The following HRH2 variants were observed in gnomAD, a reference collection of about 807,000 sequenced individuals.
The protein encoded by HRH2 is histamine receptor H2, also known as histamine H2 receptor.
HRH2 carries 4 observed loss-of-function variants against 20.1 expected under a neutral mutation model. The ratio of observed to expected loss-of-function variants is 0.20; its 90% CI spans 0.10 to 0.45. HRH2 has a LOEUF of 0.45. Among genes scored for constraint, HRH2 ranks in the 20% least tolerant of loss-of-function variants. The pLI is 0.99. For missense variants in HRH2, 250 were observed against 461.6 expected, an observed-to-expected ratio of 0.54 and a Z score of 4.20; for synonymous variants, 197 against 200.7, an observed-to-expected ratio of 0.98 and a Z score of 0.16.
At position 175,683,091 on chromosome 5, in the gene HRH2, C is replaced by CAAAAAAAAAAA. The variant is rs35616765; in HGVS notation, c.-132_-122dup. On this transcript the variant is annotated 5_prime_UTR_variant, in exon 2 of 3. Transcript: ENST00000636584. The stretch of plus-strand genomic sequence containing the variant: ...ATTGAAGCCTTCCCCACCCCCTGGC[C>CAAAAAAAAAAA]AAAAAAAAAAAAAAAAAAAAACTGG... The CAAAAAAAAAAA allele has an allele frequency of 1.0e-5, 6 of 583,870 alleles. No individual in the cohort carries two copies. Among genetic ancestry groups the CAAAAAAAAAAA allele is most frequent in the African/African-American group, 6.4e-5 (2 of 31,022 alleles). The allele number at this position is 583,870 out of a possible 1,614,324, so 36.2% of individuals were successfully genotyped here. A position where few individuals can be genotyped will look rare whatever the true frequency, so the allele number is the denominator to read the frequency against.
intron 2 of HRH2, among the ~76,000 whole-genome samples, chr5:175,702,725 CTT>C (rs1166650598): frequency 7.3e-5 from 9 of 123,642 alleles, no homozygotes; most frequent in Non-Finnish European, 1.2e-4. Context: ...CTAATTTTTT[CTT>C]TTTTTTTTTT....
At chr5:175,694,909 T>G (rs1200532027) in intron 2 of HRH2, among the ~76,000 whole-genome samples, 2 of 152,112 alleles carry the variant, frequency 1.3e-5, no homozygotes, top group African/African-American at 4.8e-5. Flanking sequence ...TGGTGCCACC[T>G]CCGCCCTGGG....
intron 1 of HRH2, among the ~76,000 whole-genome samples, chr5:175,682,282 C>G (rs952978795): frequency 5.3e-5 from 8 of 152,234 alleles, no homozygotes; most frequent in African/African-American, 1.9e-4. Flanking sequence ...CTCAGCACTT[C>G]AGAGGAGTAG....
chr5:175,680,046 T>C (rs965320503), intron 1 of HRH2, among the ~76,000 whole-genome samples: 3 of 152,250 alleles, frequency 2.0e-5, no homozygotes, highest in African/African-American at 4.8e-5. Context: ...TTTTGTTTAC[T>C]ATGCATGGTA....
intron 2 of HRH2, among the ~76,000 whole-genome samples, chr5:175,696,010 C>T (rs1036184479): frequency 7.9e-5 from 12 of 152,242 alleles, no homozygotes; most frequent in African/African-American, 2.7e-4. Flanking sequence ...TGCTAAATGC[C>T]CAGGGGCAAA....
At chr5:175,664,468 G>A (rs1472031458) in intron 1 of HRH2, among the ~76,000 whole-genome samples, 2 of 152,154 alleles carry the variant, frequency 1.3e-5, no homozygotes, top group African/African-American at 2.4e-5. Context: ...TAGAAAGGGC[G>A]TGCACAAGGA....
At chr5:175,663,757 GC>G (rs986449474) in intron 1 of HRH2, among the ~76,000 whole-genome samples, 1 of 152,144 alleles carries the variant, frequency 6.6e-6, no homozygotes, top group Non-Finnish European at 1.5e-5. Context: ...CACTTCTCCA[GC>G]CCCCCTCTAG....
chr5:175,678,969 G>T (rs1462131285), intron 1 of HRH2, among the ~76,000 whole-genome samples: 1 of 152,146 alleles, frequency 6.6e-6, no homozygotes, highest in African/African-American at 2.4e-5. Context: ...AGATGGTCTC[G>T]CCCCTCTGGT....
At chr5:175,669,253 C>T (rs534394701) in intron 1 of HRH2, among the ~76,000 whole-genome samples, 1 of 152,244 alleles carries the variant, frequency 6.6e-6, no homozygotes, top group East Asian at 1.9e-4. Flanking sequence ...CAGCATTTTG[C>T]CAATCGTCTT....
At chr5:175,689,271 C>T (rs1223502695) in intron 2 of HRH2, among the ~76,000 whole-genome samples, 1 of 152,036 alleles carries the variant, frequency 6.6e-6, no homozygotes, top group Non-Finnish European at 1.5e-5. Context: ...TGGCCCCCCT[C>T]AGCCCACATG....
chr5:175,692,498 G>A (rs1256658629), intron 2 of HRH2, among the ~76,000 whole-genome samples: 1 of 152,212 alleles, frequency 6.6e-6, no homozygotes, highest in African/African-American at 2.4e-5. Flanking sequence ...TCTGCAAAAT[G>A]GGGATAAAAA....
chr5:175,672,413 C>G (rs910630645), intron 1 of HRH2, among the ~76,000 whole-genome samples: 5 of 152,208 alleles, frequency 3.3e-5, no homozygotes, highest in Non-Finnish European at 7.3e-5. Context: ...CTCGCCAGCC[C>G]ACTGCGGATG....
At chr5:175,676,325 G>A (rs935401025) in intron 1 of HRH2, among the ~76,000 whole-genome samples, 3 of 152,216 alleles carry the variant, frequency 2.0e-5, no homozygotes, top group East Asian at 3.8e-4. Flanking sequence ...ATCCACGCCC[G>A]CACGTGCACA....
At chr5:175,703,778 T>A (rs1003716016) in intron 2 of HRH2, 2 of 152,124 alleles carry the variant, frequency 1.3e-5, no homozygotes, top group African/African-American at 4.8e-5. Context: ...ATCAATTTTA[T>A]GCCCAAAACA....
chr5:175,684,813 G>C lies in HRH2; in HGVS notation c.1076+504G>C, dbSNP rs78477050. Among the ~76,000 whole-genome samples the C allele has an allele frequency of 6.2e-3, 937 of 152,298 alleles. 26 individuals carry two copies. In the East Asian group the frequency reaches 0.064, roughly 10 times the overall value. On this transcript the variant is annotated intron_variant, in intron 2 of 2. Transcript: ENST00000636584. ...TATGCATCAGCTCTTACCGTGGGGG[G>C]GGTGTAAGTTGGTGGGGAAAGAGGC...
In HRH2 at chr5:175,683,930, A is replaced by G. The variant is rs1322038948; in HGVS notation, c.697A>G (p.Thr233Ala). ...KAATIREHKA[T>A]VTLAAVMGAF... ...AGCCACCATCAGGGAGCACAAAGCC[A>G]CAGTGACACTGGCCGCCGTCATGGG... The change falls in exon 2 of 3, where the codon ACA (threonine) becomes GCA (alanine). Residue 233 changes from threonine (T) to alanine (A), a missense_variant. By Grantham distance (58) the Thr-to-Ala change is moderately conservative. This residue lies in a region of HRH2 where 58 missense variants were observed against 166.8 expected (regional missense o/e 0.35). Transcript: ENST00000636584. 1 of 1,614,200 alleles carries G rather than the reference A, an allele frequency of 6.2e-7. No homozygotes were observed. The highest frequency in any genetic ancestry group is 8.5e-7 in the Non-Finnish European group (1 of 1,180,036).
intron 2 of HRH2, among the ~76,000 whole-genome samples, chr5:175,703,243 C>T (rs1178883902): frequency 6.6e-6 from 1 of 152,166 alleles, no homozygotes; most frequent in Admixed American, 6.5e-5. Flanking sequence ...GAATATGCTT[C>T]ATACAGAACA....
chr5:175,683,057 G>C lies in HRH2; in HGVS notation c.-177G>C, dbSNP rs1756040072. On this transcript the variant is annotated 5_prime_UTR_variant, in exon 2 of 3. Coordinates refer to ENST00000636584, the MANE Select transcript of HRH2 (RefSeq NM_001367711.1). ...AATTTATTTCTAGAAAAGCAGCCCA[G>C]AGTCAGTCATTGAAGCCTTCCCCAC... 1.4e-6 allele frequency: 1 copy of C among 700,684 alleles called. No homozygotes were observed. The highest frequency in any genetic ancestry group is 2.3e-6 in the Non-Finnish European group (1 of 425,620). The allele number at this position is 700,684 out of a possible 1,614,324, so 43.4% of individuals were successfully genotyped here. A position where few individuals can be genotyped will look rare whatever the true frequency, so the allele number is the denominator to read the frequency against.
chr5:175,706,750 C>G (rs1165958277), intron 2 of HRH2, among the ~76,000 whole-genome samples: 1 of 152,222 alleles, frequency 6.6e-6, no homozygotes, highest in Non-Finnish European at 1.5e-5. Flanking sequence ...CGGCACATGC[C>G]CTCACATGGA....
Sources: allele counts gnomAD v4.1 joint callset (sites outside exome capture counted in the v4.1 genomes callset), GRCh38; gene constraint gnomAD v4.1.1; regional missense constraint gnomAD v4.1.1; transcripts MANE v1.5; gene names NCBI Gene and HGNC (gene_info 2026-07-23, HGNC 2026-07-21).